MAP3K14: variants seen among roughly 807,000 people sequenced by gnomAD.
The protein encoded by MAP3K14 is NF-kappa-beta-inducing kinase.
A neutral mutation model predicts 99.2 loss-of-function variants in MAP3K14; 16 were observed. The observed-to-expected ratio is 0.16, with a 90% CI of 0.11 to 0.24. The LOEUF is 0.24. Among genes scored for constraint, MAP3K14 ranks in the 10% least tolerant of loss-of-function variants. The probability of loss-of-function intolerance (pLI) is 1.00; values close to 1 mark genes in which losing one functional copy is unlikely to be tolerated. For synonymous variants in MAP3K14, 462 were observed against 492.4 expected (o/e 0.94, Z 0.82); for missense variants, 784 against 1,208.7 (o/e 0.65, Z 5.21).
intron 9 of MAP3K14, among the ~76,000 whole-genome samples, chr17:45,273,146 C>T (rs893811068): frequency 4.6e-5 from 7 of 152,158 alleles, no homozygotes; most frequent in South Asian, 2.1e-4. Context: ...TCCAGCCAAC[C>T]GTGCTCAGAG....
At chr17:45,296,945 G>A (rs900678729) in intron 1 of MAP3K14, among the ~76,000 whole-genome samples, 3 of 152,198 alleles carry the variant, frequency 2.0e-5, no homozygotes, top group Non-Finnish European at 2.9e-5. Flanking sequence ...GAATGTAATA[G>A]CCACTACCGT....
intron 14 of MAP3K14, chr17:45,266,115 A>C: frequency 6.3e-6 from 1 of 157,828 alleles, no homozygotes; most frequent in Non-Finnish European, 1.4e-5. Context: ...AAACGAAGGA[A>C]TTTTATGTTG....
chr17:45,268,155 C>CT, intron 11 of MAP3K14: 1 of 178,610 alleles, frequency 5.6e-6, no homozygotes, highest in Non-Finnish European at 1.2e-5. Flanking sequence ...TCTCCTACCC[C>CT]ATCCTCAGTC....
At chr17:45,297,111 T>C (rs753919255) in intron 1 of MAP3K14, among the ~76,000 whole-genome samples, 1 of 152,194 alleles carries the variant, frequency 6.6e-6, no homozygotes, top group Non-Finnish European at 1.5e-5. Context: ...CAGGAATAAA[T>C]GAGGCTCAAT....
chr17:45,268,829 CAGT>C (rs1284485269), intron 11 of MAP3K14, among the ~76,000 whole-genome samples: 1 of 152,108 alleles, frequency 6.6e-6, no homozygotes, highest in African/African-American at 2.4e-5. Flanking sequence ...ATTCGTTTGT[CAGT>C]GCACCCAGGG....
Position 45,286,543 on chromosome 17 carries a change from G to A in MAP3K14, c.1040C>T (p.Ser347Leu). The change falls in exon 5 of 16, where the codon TCA (serine) becomes TTA (leucine). Residue 347 changes from serine (S) to leucine (L), a missense_variant. Physicochemically the swap from Ser to Leu is moderately radical, Grantham distance 145 (BLOSUM62 -2). Transcript: ENST00000344686. This position sits in a 1 kb window ranked among gnomAD's most constrained non-coding sequence, Gnocchi z 4.1. The stretch of plus-strand genomic sequence containing the variant: ...GCTGGTCAGGCTGTGGGCCTGGCCT[G>A]AGCTCACGCTGCCTTGCAGAGCATG... Reference protein sequence around the residue: ...LVHALQGSVSSGQAHSLTSLA... With the variant: ...LVHALQGSVSLGQAHSLTSLA... The A allele has an allele frequency of 6.2e-7, 1 of 1,610,116 alleles. No homozygotes were observed.
chr17:45,289,414 T>A, intron 2 of MAP3K14, 109 bp from the exon 3 acceptor site: 1 of 823,644 alleles, frequency 1.2e-6, no homozygotes, highest in South Asian at 1.5e-5. Context: ...TTCCCCTCCT[T>A]TCCAGACAAC....
rs1401836828 is a variant in MAP3K14 at position 45,286,199 on chromosome 17, C to A, written c.1152+232G>T. ...CAGCATGTGTACTATTAATGCAGTG[C>A]CCACATTCAGCAAGCAGGAGGTGAC... is the stretch of plus-strand genomic sequence containing the variant. On this transcript the variant is annotated intron_variant, in intron 5 of 15. Coordinates refer to ENST00000344686, the MANE Select transcript of MAP3K14 (RefSeq NM_003954.5). This position sits in a 1 kb window ranked among gnomAD's most constrained non-coding sequence, Gnocchi z 4.1. Among the ~76,000 whole-genome samples, 1 of 151,924 alleles carries A rather than the reference C, an allele frequency of 6.6e-6. No homozygotes were observed. Among genetic ancestry groups the A allele is most frequent in the African/African-American group, 2.4e-5 (1 of 41,334 alleles).
At position 45,267,495 on chromosome 17, in the gene MAP3K14, G is replaced by A. The variant is rs571831529; in HGVS notation, c.2237C>T (p.Ser746Phe). The A allele has an allele frequency of 3.6e-5, 58 of 1,612,706 alleles. No individual in the cohort carries two copies. The South Asian group carries it at 5.9e-4, about 17-fold the overall frequency. ...ESGMWEPLPL[S>F]SLEPAPARNP... ...TCTGGCAGGGGCTGGCTCCAGGGAGGACAGAGGTAAGGGTTCCCACATCCC... is the reference window on the plus strand; with the variant it reads ...TCTGGCAGGGGCTGGCTCCAGGGAGAACAGAGGTAAGGGTTCCCACATCCC... The change falls in exon 12 of 16, where the codon TCC (serine) becomes TTC (phenylalanine). Residue 746 changes from serine to phenylalanine, a missense_variant. Physicochemically the swap from Ser to Phe is radical, Grantham distance 155. Transcript: ENST00000344686. The surrounding 1 kb of genome is among the most constrained non-coding windows in gnomAD (Gnocchi z 5.1).
At chr17:45,274,402 C>A in intron 7 of MAP3K14, 62 bp downstream of exon 7, 1 of 1,602,194 alleles carries the variant, frequency 6.2e-7, no homozygotes, top group South Asian at 1.1e-5. Flanking sequence ...CCAACTTGGG[C>A]AAGACTCAGG....
chr17:45,307,059 A>T (rs1334752676), intron 1 of MAP3K14, among the ~76,000 whole-genome samples: 1 of 152,174 alleles, frequency 6.6e-6, no homozygotes, highest in African/African-American at 2.4e-5. Flanking sequence ...TGAGATCGAG[A>T]CCAGCCTGGC....
At position 45,267,334 on chromosome 17, in the gene MAP3K14, G is replaced by T; in HGVS notation, c.2326+72C>A. On this transcript the variant is annotated intron_variant, in intron 12 of 15. Coordinates refer to ENST00000344686, the MANE Select transcript of MAP3K14 (RefSeq NM_003954.5). This position sits in a 1 kb window ranked among gnomAD's most constrained non-coding sequence, Gnocchi z 5.1. ...GAAGAAAGCCCACACCGCAGGTAAA[G>T]AGAAACACCGGCCTCCGCGGGTGGC... 6.7e-7 allele frequency: 1 copy of T among 1,489,474 alleles called. No homozygotes were observed. The highest frequency in any genetic ancestry group is 9.1e-7 in the Non-Finnish European group (1 of 1,095,302). The allele number at this position is 1,489,474 out of a possible 1,614,324, so 92.3% of individuals were successfully genotyped here. A position where few individuals can be genotyped will look rare whatever the true frequency, so the allele number is the denominator to read the frequency against.
intron 6 of MAP3K14, among the ~76,000 whole-genome samples, chr17:45,284,571 C>T (rs1006481573): frequency 3.3e-5 from 5 of 152,340 alleles, no homozygotes; most frequent in South Asian, 2.1e-4. Flanking sequence ...ACCGAGGCCA[C>T]GTGTGTCCTC....
intron 2 of MAP3K14, 66 bp from the exon 3 acceptor site, chr17:45,289,371 A>G: frequency 1.5e-6 from 2 of 1,326,298 alleles, no homozygotes; most frequent in Non-Finnish European, 2.2e-6. Flanking sequence ...TAGGGGAGAG[A>G]CATTTTACAG....
At chr17:45,291,414 A>G (rs924898369) in intron 1 of MAP3K14, among the ~76,000 whole-genome samples, 2 of 152,190 alleles carry the variant, frequency 1.3e-5, no homozygotes, top group African/African-American at 4.8e-5. Flanking sequence ...AGGAACTAAC[A>G]TGCTTCCTCC....
intron 1 of MAP3K14, among the ~76,000 whole-genome samples, chr17:45,313,333 C>G (rs1357028698): frequency 6.6e-6 from 1 of 152,174 alleles, no homozygotes; most frequent in Non-Finnish European, 1.5e-5. Flanking sequence ...ACAAGAACAA[C>G]AACAACAACA....
chr17:45,316,494 G>A (rs903115163), intron 1 of MAP3K14, among the ~76,000 whole-genome samples: 1 of 152,244 alleles, frequency 6.6e-6, no homozygotes, highest in African/African-American at 2.4e-5. Context: ...TCCCCGCCTT[G>A]AGGTGTGACC....
At position 45,303,347 on chromosome 17, in the gene MAP3K14, G is replaced by C. The variant is rs368159398; in HGVS notation, c.-20-12582C>G. 3.0e-4 allele frequency among the ~76,000 whole-genome samples: 45 copies of C among 152,270 alleles called. 1 individual carries two copies. In the East Asian group the frequency reaches 5.4e-3, roughly 18 times the overall value. On this transcript the variant is annotated intron_variant, in intron 1 of 15. Coordinates refer to ENST00000344686, the MANE Select transcript of MAP3K14 (RefSeq NM_003954.5). ...AGGCCGAGGTGGGTGGATCACTTGA[G>C]GTCAGGAGTTCAAGACCAGCCTGGC...
At chr17:45,311,580 GGA>G (rs1349797936) in intron 1 of MAP3K14, among the ~76,000 whole-genome samples, 1 of 152,160 alleles carries the variant, frequency 6.6e-6, no homozygotes, top group Non-Finnish European at 1.5e-5. Flanking sequence ...GGATGGCTCA[GGA>G]GTACCCCCTG....
Sources: allele counts gnomAD v4.1 joint callset (sites outside exome capture counted in the v4.1 genomes callset), GRCh38; gene constraint gnomAD v4.1.1; non-coding constraint Gnocchi (gnomAD v3.1); transcripts MANE v1.5; gene names NCBI Gene and HGNC (gene_info 2026-07-23, HGNC 2026-07-21).